AKAP13: variants seen among roughly 807,000 people sequenced by gnomAD.
The protein encoded by AKAP13 is A-kinase anchoring protein 13, also known as A-kinase anchor protein 13.
In AKAP13, 80 loss-of-function variants were observed where a neutral mutation model predicts 264.5. The observed-to-expected ratio is 0.30, with a 90% CI of 0.25 to 0.36. The LOEUF (loss-of-function observed/expected upper bound fraction) is 0.36. Among genes scored for constraint, AKAP13 ranks in the 10% least tolerant of loss-of-function variants. The pLI is 1.00. For synonymous variants in AKAP13, 1,380 were observed against 1,250.2 expected (o/e 1.10, Z -2.19); for missense variants, 3,712 against 3,435.2 (o/e 1.08, Z -2.01).
Position 85,676,950 on chromosome 15 carries a change from A to T in AKAP13, c.5102-5208A>T, listed in dbSNP as rs149707133. The T allele has an allele frequency of 3.6e-4, 354 of 985,482 alleles. No homozygotes were observed. In the African/African-American group the frequency reaches 5.5e-3, roughly 15 times the overall value. The allele number at this position is 985,482 out of a possible 1,614,324, so 61.0% of individuals were successfully genotyped here. A position where few individuals can be genotyped will look rare whatever the true frequency, so the allele number is the denominator to read the frequency against. On this transcript the variant is annotated intron_variant, in intron 14 of 36. Transcript: ENST00000394518. ...CCTGGCATAATCCGAGCATGCTCTA[A>T]TGTCTTCTGTGAACCTCCTTCTCAG...
intron 5 of AKAP13, among the ~76,000 whole-genome samples, chr15:85,568,424 A>T (rs1312675922): frequency 4.6e-5 from 7 of 152,210 alleles, no homozygotes; most frequent in African/African-American, 1.2e-4. Flanking sequence ...TGGGTTTTGG[A>T]TAGTCTGGAA....
At chr15:85,723,747 G>A (rs937924735) in intron 26 of AKAP13, among the ~76,000 whole-genome samples, 3 of 152,116 alleles carry the variant, frequency 2.0e-5, no homozygotes, top group African/African-American at 7.2e-5. Flanking sequence ...CACATCACTT[G>A]TTCACAAGAG....
At chr15:85,712,328 T>TAGA (rs2086674631) in intron 19 of AKAP13, among the ~76,000 whole-genome samples, 1 of 152,236 alleles carries the variant, frequency 6.6e-6, no homozygotes, top group Non-Finnish European at 1.5e-5. Context: ...CGTAGATGAC[T>TAGA]AGAAGAGGAG....
intron 1 of AKAP13, among the ~76,000 whole-genome samples, chr15:85,465,564 A>G (rs1387313763): frequency 7.4e-6 from 1 of 134,912 alleles, no homozygotes; most frequent in African/African-American, 2.9e-5. Context: ...ATGTGTTCTC[A>G]TTGTTCAGTT....
intron 17 of AKAP13, among the ~76,000 whole-genome samples, chr15:85,697,552 T>A (rs1221577858): frequency 6.6e-6 from 1 of 151,810 alleles, no homozygotes; most frequent in African/African-American, 2.4e-5. Context: ...CTGGGTGACA[T>A]AGCGAGACTC....
In AKAP13 at chr15:85,708,721, G is replaced by T. The variant is rs550341575; in HGVS notation, c.5532+635G>T. On this transcript the variant is annotated intron_variant, in intron 18 of 36. Transcript: ENST00000394518. The surrounding 1 kb of genome is among the most constrained non-coding windows in gnomAD (Gnocchi z 4.3). ...AGCCTGTGAGGTTTTCAATGTTCTA[G>T]TCGCCTGTAAGTGTCTCTTCATTCC... Among the ~76,000 whole-genome samples, 6 of 151,948 alleles carry T rather than the reference G, an allele frequency of 3.9e-5. No individual in the cohort carries two copies. Among genetic ancestry groups the T allele is most frequent in the Non-Finnish European group, 8.8e-5 (6 of 67,930 alleles).
At chr15:85,560,324 C>A (rs1415925595) in intron 5 of AKAP13, among the ~76,000 whole-genome samples, 1 of 151,624 alleles carries the variant, frequency 6.6e-6, no homozygotes, top group Non-Finnish European at 1.5e-5. Flanking sequence ...TTTTTTTTTG[C>A]AAAGAGTGGG....
At chr15:85,445,757 TATTC>T (rs2150966920) in intron 1 of AKAP13, among the ~76,000 whole-genome samples, 1 of 152,274 alleles carries the variant, frequency 6.6e-6, no homozygotes, top group South Asian at 2.1e-4. Flanking sequence ...AGCTAAAAAT[TATTC>T]ATATTTTTCT....
Position 85,739,628 on chromosome 15 carries a change from C to T in AKAP13, c.7558-594C>T, listed in dbSNP as rs147698494. On this transcript the variant is annotated intron_variant, in intron 33 of 36. Coordinates refer to ENST00000394518, the MANE Select transcript of AKAP13 (RefSeq NM_007200.5). ...TTCCATTACTTCTGTGTTTGCAAAG[C>T]CTTCCCTGTTTCAAGATTAGAAAAC... is the stretch of plus-strand genomic sequence containing the variant. Among the ~76,000 whole-genome samples the T allele has an allele frequency of 3.6e-3, 554 of 152,194 alleles. 2 individuals carry two copies. The highest frequency in any genetic ancestry group is 0.013 in the African/African-American group (528 of 41,542).
intron 14 of AKAP13, among the ~76,000 whole-genome samples, chr15:85,675,107 C>T (rs141675634): frequency 2.9e-4 from 44 of 152,222 alleles, no homozygotes; most frequent in African/African-American, 1.0e-3. Flanking sequence ...TTCCATATGT[C>T]AGGGATACTC....
chr15:85,704,744 A>C (rs2086133243), intron 17 of AKAP13, among the ~76,000 whole-genome samples: 1 of 152,270 alleles, frequency 6.6e-6, no homozygotes, highest in South Asian at 2.1e-4. Flanking sequence ...GATCTTCATA[A>C]CAACATGGTA....
intron 1 of AKAP13, among the ~76,000 whole-genome samples, chr15:85,483,651 ACAC>A (rs1202639673): frequency 1.4e-5 from 2 of 143,936 alleles, no homozygotes; most frequent in Non-Finnish European, 3.1e-5. Flanking sequence ...AAAAAAAAAA[ACAC>A]CAAAAAATCA....
At chr15:85,512,468 T>G (rs1472793811) in intron 2 of AKAP13, among the ~76,000 whole-genome samples, 2 of 152,150 alleles carry the variant, frequency 1.3e-5, no homozygotes, top group African/African-American at 2.4e-5. Flanking sequence ...AACATGTTCC[T>G]TCTATCAACA....
intron 1 of AKAP13, among the ~76,000 whole-genome samples, chr15:85,397,464 C>T (rs530167067): frequency 8.5e-5 from 13 of 152,256 alleles, no homozygotes; most frequent in Middle Eastern, 6.8e-3. Flanking sequence ...TGAGATACCT[C>T]GGGACTCAAA....
chr15:85,555,075 C>G (rs918051301), intron 5 of AKAP13, among the ~76,000 whole-genome samples: 1 of 151,840 alleles, frequency 6.6e-6, no homozygotes, highest in Non-Finnish European at 1.5e-5. Flanking sequence ...AGTTTCAGTG[C>G]TAAAATATCT....
intron 2 of AKAP13, among the ~76,000 whole-genome samples, chr15:85,488,644 T>G (rs1400432584): frequency 6.6e-6 from 1 of 152,164 alleles, no homozygotes; most frequent in Non-Finnish European, 1.5e-5. Flanking sequence ...AGAGGGAGTA[T>G]CAGGAGAGTC....
intron 2 of AKAP13, among the ~76,000 whole-genome samples, chr15:85,501,071 A>G (rs979002665): frequency 8.5e-5 from 13 of 152,178 alleles, no homozygotes. Context: ...GGAATTTGTT[A>G]AAGAAGGCCA....
chr15:85,464,652 C>T (rs1005912071), intron 1 of AKAP13, among the ~76,000 whole-genome samples: 5 of 152,160 alleles, frequency 3.3e-5, no homozygotes, highest in African/African-American at 1.2e-4. Context: ...GTCTGAGGCT[C>T]AGAGTTAAAT....
At chr15:85,510,500 A>C (rs1422170179) in intron 2 of AKAP13, among the ~76,000 whole-genome samples, 1 of 152,246 alleles carries the variant, frequency 6.6e-6, no homozygotes, top group Non-Finnish European at 1.5e-5. Flanking sequence ...CAGATATTTT[A>C]AGACTCATTT....
Sources: gnomAD v4.1 joint callset for allele counts (sites outside exome capture counted in the v4.1 genomes callset) on GRCh38, gnomAD v4.1.1 for gene constraint, Gnocchi (gnomAD v3.1) non-coding constraint, MANE v1.5 for transcripts, NCBI Gene and HGNC (gene_info 2026-07-23, HGNC 2026-07-21) for gene names.